RUNX1: variants seen among roughly 807,000 people sequenced by gnomAD.
The protein encoded by RUNX1 is RUNX family transcription factor 1.
A neutral mutation model predicts 42.8 loss-of-function variants in RUNX1; 19 were observed. The observed-to-expected ratio is 0.44, with a 90% CI of 0.31 to 0.65. RUNX1 has a LOEUF of 0.65. Among genes scored for constraint, RUNX1 ranks in the 30% least tolerant of loss-of-function variants. RUNX1 has a pLI of 0.07. For synonymous variants in RUNX1, 271 were observed against 289.4 expected, an observed-to-expected ratio of 0.94 and a Z score of 0.64; for missense variants, 528 against 672.0, an observed-to-expected ratio of 0.79 and a Z score of 2.37.
chr21:34,928,969 G>T (rs554340291), intron 2 of RUNX1, among the ~76,000 whole-genome samples: 1 of 147,860 alleles, frequency 6.8e-6, no homozygotes. Context: ...TTTGGGGGGG[G>T]GGGTAGATTT....
At chr21:35,046,597 C>T (rs1278049051) in intron 2 of RUNX1, among the ~76,000 whole-genome samples, 3 of 152,178 alleles carry the variant, frequency 2.0e-5, no homozygotes, top group Admixed American at 1.3e-4. Context: ...TAGCATCAAG[C>T]TCTAAGATGA....
At chr21:35,043,648 C>A (rs934658298) in intron 2 of RUNX1, among the ~76,000 whole-genome samples, 13 of 152,122 alleles carry the variant, frequency 8.5e-5, no homozygotes, top group African/African-American at 3.1e-4. Flanking sequence ...GCAAGCTTGT[C>A]TAGAATATTA....
At chr21:34,807,117 G>A (rs1457061905) in intron 7 of RUNX1, among the ~76,000 whole-genome samples, 1 of 151,932 alleles carries the variant, frequency 6.6e-6, no homozygotes, top group Non-Finnish European at 1.5e-5. Context: ...ATTAGACTAG[G>A]AACCAGTGAA....
At chr21:35,026,496 T>C (rs1297045443) in intron 2 of RUNX1, among the ~76,000 whole-genome samples, 1 of 152,272 alleles carries the variant, frequency 6.6e-6, no homozygotes, top group Non-Finnish European at 1.5e-5. Context: ...CATGAGGATG[T>C]AGTCTTTCTG....
At position 34,834,616 on chromosome 21, in the gene RUNX1, AGGGAG is replaced by A. The variant is rs2146077409; in HGVS notation, c.614-20_614-16del. ...CTGCCGATGTCCTATTGTGGGGAGC[AGGGAG>A]GGGAGGGGATGGGGGGAGGGAAGGA... On this transcript the variant is annotated splice_polypyrimidine_tract_variant and intron_variant, in intron 6 of 8. Coordinates refer to ENST00000675419, the MANE Select transcript of RUNX1 (RefSeq NM_001754.5). The A allele has an allele frequency of 3.1e-5, 29 of 931,858 alleles. No individual in the cohort carries two copies. The highest frequency in any genetic ancestry group is 4.3e-5 in the Non-Finnish European group (26 of 611,218). The allele number at this position is 931,858 out of a possible 1,614,324, so 57.7% of individuals were successfully genotyped here.
intron 7 of RUNX1, among the ~76,000 whole-genome samples, chr21:34,812,483 A>G (rs1184645109): frequency 6.6e-6 from 1 of 152,174 alleles, no homozygotes; most frequent in Non-Finnish European, 1.5e-5. Context: ...TAATAAAGTC[A>G]GATTCATCTA....
At chr21:35,025,719 T>A (rs1209539414) in intron 2 of RUNX1, among the ~76,000 whole-genome samples, 8 of 152,068 alleles carry the variant, frequency 5.3e-5, no homozygotes, top group Non-Finnish European at 7.4e-5. Flanking sequence ...GAAGAAAAGC[T>A]CATAGGAATG....
chr21:34,801,917 T>C (rs2056613479), intron 7 of RUNX1, among the ~76,000 whole-genome samples: 1 of 152,230 alleles, frequency 6.6e-6, no homozygotes, highest in South Asian at 2.1e-4. Flanking sequence ...TTGGTCTTTC[T>C]GTCTGGTGAG....
intron 2 of RUNX1, among the ~76,000 whole-genome samples, chr21:34,930,262 G>T (rs922974587): frequency 3.9e-5 from 3 of 77,664 alleles, no homozygotes; most frequent in African/African-American, 7.2e-5. Flanking sequence ...TTATACGTGT[G>T]TGTGTATGTA....
intron 2 of RUNX1, among the ~76,000 whole-genome samples, chr21:35,023,641 T>C (rs1450723918): frequency 6.6e-6 from 1 of 152,124 alleles, no homozygotes; most frequent in East Asian, 1.9e-4. Context: ...AGGCCAATGG[T>C]TTGCTTTCTC....
chr21:34,946,155 C>A (rs1281287830), intron 2 of RUNX1, among the ~76,000 whole-genome samples: 3 of 152,218 alleles, frequency 2.0e-5, no homozygotes, highest in Non-Finnish European at 2.9e-5. Flanking sequence ...AACTGCTCTC[C>A]CTCATGCCAG....
In RUNX1 at chr21:34,907,913, T is replaced by C. The variant is rs891581995; in HGVS notation, c.59-14950A>G. Reference sequence around the variant, plus strand: ...CAAACATTTTGTCCAATCCATTTAGTTTATAGAGGGAAAAGGAGGCTCTGA... The same window carrying C: ...CAAACATTTTGTCCAATCCATTTAGCTTATAGAGGGAAAAGGAGGCTCTGA... On this transcript the variant is annotated intron_variant, in intron 2 of 8. Transcript: ENST00000675419. This position sits in a 1 kb window ranked among gnomAD's most constrained non-coding sequence, Gnocchi z 5.3. Among the ~76,000 whole-genome samples the C allele has an allele frequency of 3.3e-5, 5 of 152,106 alleles. No homozygotes were observed. The highest frequency in any genetic ancestry group is 1.2e-4 in the African/African-American group (5 of 41,408).
intron 2 of RUNX1, among the ~76,000 whole-genome samples, chr21:35,006,936 A>C (rs917212250): frequency 2.6e-5 from 4 of 152,104 alleles, no homozygotes; most frequent in African/African-American, 7.2e-5. Flanking sequence ...GTACCCAGTT[A>C]AGGAGGACAA....
intron 2 of RUNX1, among the ~76,000 whole-genome samples, chr21:34,964,284 C>G (rs765491079): frequency 6.6e-6 from 1 of 151,906 alleles, no homozygotes; most frequent in Non-Finnish European, 1.5e-5. Flanking sequence ...GTCAGGAGAT[C>G]GAGACCATCC....
intron 2 of RUNX1, among the ~76,000 whole-genome samples, chr21:34,959,793 C>T (rs180824607): frequency 3.3e-5 from 5 of 152,292 alleles, no homozygotes; most frequent in African/African-American, 9.6e-5. Context: ...GGTCCTAAAG[C>T]TGATAAGCCT....
intron 2 of RUNX1, among the ~76,000 whole-genome samples, chr21:34,946,605 C>T (rs2058564933): frequency 6.6e-6 from 1 of 152,140 alleles, no homozygotes; most frequent in Admixed American, 6.5e-5. Context: ...GGTCTCATAG[C>T]AATACAGCAA....
intron 2 of RUNX1, among the ~76,000 whole-genome samples, chr21:34,989,849 G>A (rs559012231): frequency 6.6e-6 from 1 of 152,282 alleles, no homozygotes; most frequent in East Asian, 1.9e-4. Context: ...AGGCCCTAGA[G>A]ACTCCCTGGG....
At chr21:34,833,714 G>A (rs781399047) in intron 7 of RUNX1, 2 of 161,744 alleles carry the variant, frequency 1.2e-5, no homozygotes, top group African/African-American at 2.4e-5. Context: ...TTTTTGAAAC[G>A]GTATCACAGA....
At chr21:34,926,719 G>C (rs1402348446) in intron 2 of RUNX1, among the ~76,000 whole-genome samples, 1 of 151,786 alleles carries the variant, frequency 6.6e-6, no homozygotes, top group Non-Finnish European at 1.5e-5. Context: ...TCTCCAGGTG[G>C]GATTTAACAT....
Sources: allele counts gnomAD v4.1 joint callset (sites outside exome capture counted in the v4.1 genomes callset), GRCh38; gene constraint gnomAD v4.1.1; non-coding constraint Gnocchi (gnomAD v3.1); transcripts MANE v1.5; gene names NCBI Gene and HGNC (gene_info 2026-07-23, HGNC 2026-07-21).